Variants in MEAK7 observed in about 807,000 individuals in gnomAD.
MEAK7 encodes MTOR-associated protein MEAK7.
Under a neutral mutation model 40.5 loss-of-function variants are expected in MEAK7, and 68 were observed. The observed-to-expected ratio is 1.68, with a 90% CI of 1.38 to 2.06. The LOEUF (loss-of-function observed/expected upper bound fraction) is 2.06, where lower values mean the gene tolerates loss of function less well. MEAK7 is among the 30% of genes most tolerant of loss of function. MEAK7 has a pLI of 0.00. For synonymous variants in MEAK7, 338 were observed against 231.9 expected (o/e 1.46, Z -4.16); for missense variants, 918 against 580.5 (o/e 1.58, Z -5.98).
At chr16:84,499,452 G>T (rs1914321857) in intron 1 of MEAK7, among the ~76,000 whole-genome samples, 1 of 152,170 alleles carries the variant, frequency 6.6e-6, no homozygotes, top group South Asian at 2.1e-4. Flanking sequence ...CATGAGTCAT[G>T]GTCCGCACCA....
chr16:84,492,269 T>C lies in MEAK7; in HGVS notation c.385-2847A>G, dbSNP rs544863960. On this transcript the variant is annotated intron_variant, in intron 3 of 7. Coordinates refer to ENST00000343629, the MANE Select transcript of MEAK7 (RefSeq NM_020947.4). Reference sequence around the variant, plus strand: ...TCCTTGTGTCAGATTAACAAGGTTTTCTTGGAGCATAACCCACCTTTTCAT... The same window carrying C: ...TCCTTGTGTCAGATTAACAAGGTTTCCTTGGAGCATAACCCACCTTTTCAT... 2.3e-4 allele frequency among the ~76,000 whole-genome samples: 35 copies of C among 152,308 alleles called. No homozygotes were observed. In the South Asian group the frequency reaches 3.9e-3, roughly 17 times the overall value.
intron 1 of MEAK7, among the ~76,000 whole-genome samples, chr16:84,498,405 A>C (rs959411253): frequency 7.3e-5 from 11 of 150,722 alleles, no homozygotes; most frequent in African/African-American, 2.7e-4. Flanking sequence ...AGTAGCTGGG[A>C]CTACAGGACC....
At chr16:84,486,178 G>A (rs1321566780) in intron 5 of MEAK7, 1 of 157,096 alleles carries the variant, frequency 6.4e-6, no homozygotes, top group East Asian at 1.9e-4. Flanking sequence ...TCTTCCTTGA[G>A]GGAAGGAAAA....
chr16:84,489,562 A>G (rs980573807), intron 3 of MEAK7, 140 bp from the exon 4 acceptor site: 1 of 1,021,622 alleles, frequency 9.8e-7, no homozygotes, highest in African/African-American at 1.6e-5. Flanking sequence ...CAATGTATGT[A>G]GTTACTCGTT....
rs1597913145 is a variant in MEAK7 at position 84,478,897 on chromosome 16, G to C, written c.*1016C>G. The stretch of plus-strand genomic sequence containing the variant: ...TCCCAGAGGTCTAGAACCCAGGCCA[G>C]TCACTCACCACTGATTTATGGAATG... On this transcript the variant is annotated 3_prime_UTR_variant, in exon 8 of 8. Transcript: ENST00000343629. 6.6e-6 allele frequency: 1 copy of C among 152,252 alleles called. No homozygotes were observed. Among genetic ancestry groups the C allele is most frequent in the South Asian group, 2.1e-4 (1 of 4,834 alleles). 9.4% of individuals were successfully genotyped at this position (152,252 alleles called of 1,614,324 possible).
intron 2 of MEAK7, among the ~76,000 whole-genome samples, chr16:84,496,892 G>A (rs1052811855): frequency 1.8e-4 from 27 of 152,112 alleles, no homozygotes; most frequent in African/African-American, 5.1e-4. Flanking sequence ...TTTGCATGTC[G>A]GAATTTATTA....
intron 5 of MEAK7, 137 bp downstream of exon 5, chr16:84,486,494 C>G: frequency 8.3e-6 from 12 of 1,438,020 alleles, no homozygotes; most frequent in Non-Finnish European, 1.1e-5. Flanking sequence ...TCACATTTTC[C>G]TATCGCCCCG....
intron 1 of MEAK7, among the ~76,000 whole-genome samples, chr16:84,502,406 G>C (rs1362058752): frequency 6.6e-6 from 1 of 152,160 alleles, no homozygotes; most frequent in African/African-American, 2.4e-5. Flanking sequence ...CGGTAGGGCT[G>C]AAGGTGAGAA....
chr16:84,502,317 G>A (rs1025140792), intron 1 of MEAK7, among the ~76,000 whole-genome samples: 1 of 144,546 alleles, frequency 6.9e-6, no homozygotes, highest in African/African-American at 2.5e-5. Context: ...GCATCTAGCA[G>A]GCAGAGGCCA....
Position 84,490,987 on chromosome 16 carries a change from T to C in MEAK7, c.385-1565A>G, listed in dbSNP as rs373084893. ...CCTCTCAGCTCTTAAGCTGCTTTTC[T>C]ACTGTGTTACCTGATTTTTGTCTAA... is the stretch of plus-strand genomic sequence containing the variant. On this transcript the variant is annotated intron_variant, in intron 3 of 7. Coordinates refer to ENST00000343629, the MANE Select transcript of MEAK7 (RefSeq NM_020947.4). Among the ~76,000 whole-genome samples, 1,165 of 152,336 alleles carry C rather than the reference T, an allele frequency of 7.6e-3. 13 individuals are homozygous for C. Among genetic ancestry groups the C allele is most frequent in the African/African-American group, 0.027 (1,106 of 41,564 alleles).
chr16:84,502,098 C>T (rs1465625849), intron 1 of MEAK7, among the ~76,000 whole-genome samples: 1 of 151,760 alleles, frequency 6.6e-6, no homozygotes, highest in Non-Finnish European at 1.5e-5. Context: ...GAGCCAAGAT[C>T]ATGCCATTGC....
At chr16:84,493,028 T>G (rs1913753574) in intron 3 of MEAK7, among the ~76,000 whole-genome samples, 1 of 152,216 alleles carries the variant, frequency 6.6e-6, no homozygotes, top group Non-Finnish European at 1.5e-5. Flanking sequence ...TATAATACAA[T>G]CATACAGGAA....
chr16:84,503,587 A>G (rs1026076676), intron 1 of MEAK7, among the ~76,000 whole-genome samples: 1 of 152,164 alleles, frequency 6.6e-6, no homozygotes, highest in African/African-American at 2.4e-5. Flanking sequence ...TTTCTTTAAC[A>G]TAAGGTTGAG....
chr16:84,488,821 T>G (rs1365530685), intron 4 of MEAK7, among the ~76,000 whole-genome samples: 1 of 152,162 alleles, frequency 6.6e-6, no homozygotes, highest in East Asian at 1.9e-4. Flanking sequence ...CAAGTGTAAA[T>G]GCTTATTTGA....
chr16:84,490,653 GA>G (rs869300528), intron 3 of MEAK7, among the ~76,000 whole-genome samples: 2 of 104,432 alleles, frequency 1.9e-5, no homozygotes, highest in Non-Finnish European at 3.9e-5. Context: ...AGCTAATCAA[GA>G]TGTGTGTGTG....
chr16:84,487,990 A>T (rs1331988043), intron 4 of MEAK7: 1 of 152,232 alleles, frequency 6.6e-6, no homozygotes, highest in Non-Finnish European at 1.5e-5. Flanking sequence ...GACTAAGCTG[A>T]AATATTTTGT....
chr16:84,499,503 C>A (rs1045772032), intron 1 of MEAK7, among the ~76,000 whole-genome samples: 7 of 152,328 alleles, frequency 4.6e-5, no homozygotes, highest in African/African-American at 1.4e-4. Context: ...ACAGGGTAAT[C>A]AGGATCTTTC....
chr16:84,500,052 T>C (rs1180245261), intron 1 of MEAK7: 1 of 152,160 alleles, frequency 6.6e-6, no homozygotes, highest in African/African-American at 2.4e-5. Context: ...AAATAATAAA[T>C]GGAATTATAT....
chr16:84,493,408 G>C (rs78289424), intron 3 of MEAK7, among the ~76,000 whole-genome samples: 7,676 of 152,260 alleles, frequency 0.05, 557 homozygotes, highest in East Asian at 0.34. Flanking sequence ...GACTCATAGG[G>C]GGCTGACGTA....
Sources: allele counts gnomAD v4.1 joint callset (sites outside exome capture counted in the v4.1 genomes callset), GRCh38; gene constraint gnomAD v4.1.1; transcripts MANE v1.5; gene names NCBI Gene and HGNC (gene_info 2026-07-23, HGNC 2026-07-21).